Variants in ABCA1 observed in about 807,000 individuals in gnomAD.
ABCA1 encodes the protein ATP binding cassette subfamily A member 1.
A neutral mutation model predicts 262.5 loss-of-function variants in ABCA1; 133 were observed. That is an observed-to-expected ratio of 0.51 (90% CI 0.44 to 0.59). ABCA1 has a LOEUF of 0.59. ABCA1 is among the 20% of genes least tolerant of loss of function. The pLI is 0.00. For synonymous variants in ABCA1, 1,022 were observed against 1,043.5 expected, an observed-to-expected ratio of 0.98 and a Z score of 0.40; for missense variants, 2,452 against 2,777.5, an observed-to-expected ratio of 0.88 and a Z score of 2.63.
chr9:104,808,017 G>A (rs763378685), intron 30 of ABCA1, among the ~76,000 whole-genome samples: 3 of 151,872 alleles, frequency 2.0e-5, no homozygotes, highest in African/African-American at 7.3e-5. Context: ...ACTAAGACGC[G>A]CTGCCCTCCT....
intron 28 of ABCA1, among the ~76,000 whole-genome samples, chr9:104,811,990 A>G (rs1831320159): frequency 6.6e-6 from 1 of 152,228 alleles, no homozygotes; most frequent in Admixed American, 6.5e-5. Flanking sequence ...AGAGTGAAAA[A>G]ATTTAACCTT....
chr9:104,805,294 C>T (rs529511900), intron 31 of ABCA1, among the ~76,000 whole-genome samples: 26 of 152,208 alleles, frequency 1.7e-4, no homozygotes, highest in African/African-American at 4.8e-4. Flanking sequence ...AAGCTGGTTT[C>T]GAACTCCTGA....
At chr9:104,918,160 T>TA (rs11428977) in intron 1 of ABCA1, among the ~76,000 whole-genome samples, 77,235 of 151,746 alleles carry the variant, frequency 0.51, 20,868 homozygotes, top group East Asian at 0.83. Flanking sequence ...AAAATTTCAG[T>TA]AGGTGAGGAA....
chr9:104,922,220 T>G (rs1312464865), intron 1 of ABCA1, among the ~76,000 whole-genome samples: 2 of 152,226 alleles, frequency 1.3e-5, no homozygotes, highest in South Asian at 2.1e-4. Context: ...GGAAATCAAT[T>G]TTATGTAAGC....
At chr9:104,849,932 G>A (rs1283594729) in intron 7 of ABCA1, among the ~76,000 whole-genome samples, 12 of 152,154 alleles carry the variant, frequency 7.9e-5, no homozygotes, top group Non-Finnish European at 1.0e-4. Flanking sequence ...ACCAAATATT[G>A]TTATACATAG....
chr9:104,856,955 A>G (rs1461813297), intron 7 of ABCA1, among the ~76,000 whole-genome samples: 1 of 152,170 alleles, frequency 6.6e-6, no homozygotes, highest in Non-Finnish European at 1.5e-5. Flanking sequence ...CTAACTTTTT[A>G]GGCCAGTTAC....
At chr9:104,860,981 C>G (rs899189401) in intron 6 of ABCA1, among the ~76,000 whole-genome samples, 2 of 152,068 alleles carry the variant, frequency 1.3e-5, no homozygotes, top group Non-Finnish European at 2.9e-5. Context: ...GTCTCGAACT[C>G]CTGACCTCAA....
intron 1 of ABCA1, among the ~76,000 whole-genome samples, chr9:104,919,468 C>T (rs761560666): frequency 2.0e-5 from 3 of 152,050 alleles, no homozygotes; most frequent in Non-Finnish European, 4.4e-5. Context: ...AAAAATTAGC[C>T]GGACATGGTG....
chr9:104,807,660 A>G (rs1830887635), intron 30 of ABCA1, among the ~76,000 whole-genome samples: 1 of 151,892 alleles, frequency 6.6e-6, no homozygotes, highest in South Asian at 2.1e-4. Context: ...CTAAAATTAG[A>G]AAAATTAGCC....
intron 14 of ABCA1, among the ~76,000 whole-genome samples, chr9:104,830,645 G>T (rs957655751): frequency 7.2e-5 from 11 of 151,840 alleles, no homozygotes; most frequent in South Asian, 4.2e-4. Context: ...AGCCGAGATC[G>T]AGCCACTGCA....
intron 14 of ABCA1, among the ~76,000 whole-genome samples, chr9:104,830,207 T>C (rs747287147): frequency 5.9e-5 from 9 of 152,190 alleles, no homozygotes; most frequent in African/African-American, 1.9e-4. Flanking sequence ...TCAGTTTTAT[T>C]TGGGTTGTTT....
At chr9:104,913,741 C>T (rs1841641483) in intron 1 of ABCA1, among the ~76,000 whole-genome samples, 1 of 152,188 alleles carries the variant, frequency 6.6e-6, no homozygotes, top group Non-Finnish European at 1.5e-5. Flanking sequence ...GAGGTTGCAC[C>T]TATCCTCCAT....
At chr9:104,879,072 T>TG (rs1838395036) in intron 5 of ABCA1, among the ~76,000 whole-genome samples, 1 of 146,078 alleles carries the variant, frequency 6.8e-6, no homozygotes, top group African/African-American at 2.7e-5. Flanking sequence ...AGGCTCTGTC[T>TG]TAAAAAAAAA....
At chr9:104,802,021 T>C (rs761294745) in intron 34 of ABCA1, 33 bp downstream of exon 34, 2 of 1,602,718 alleles carry the variant, frequency 1.2e-6, no homozygotes. Context: ...TACATGCCCA[T>C]TTTTCTGATA....
intron 6 of ABCA1, 177 bp downstream of exon 6, chr9:104,861,502 T>G (rs1836382296): frequency 4.7e-6 from 4 of 847,966 alleles, no homozygotes; most frequent in African/African-American, 3.3e-5. Flanking sequence ...ATTCCACTCC[T>G]GGATGGTTTG....
chr9:104,825,861 C>A lies in ABCA1; in HGVS notation c.2364G>T (p.Gly788=), dbSNP rs766069585. The A allele has an allele frequency of 6.2e-7, 1 of 1,614,148 alleles. No homozygotes were observed. Among genetic ancestry groups the A allele is most frequent in the Admixed American group, 1.7e-5 (1 of 60,022 alleles). The change falls in exon 17 of 50, where the codon GGG becomes GGT. Residue 788 remains glycine (G), a synonymous_variant. Transcript: ENST00000374736. ...FASLLSPVAF[G]FGCEYFALFE... is the part of the protein sequence containing the mutation. ...AAAGGGCAAAGTACTCACAGCCAAA[C>A]CCAAAAGCCACAGGAGACAGCAGGC...
chr9:104,805,287 C>G (rs1246276972), intron 31 of ABCA1, among the ~76,000 whole-genome samples: 1 of 152,142 alleles, frequency 6.6e-6, no homozygotes, highest in East Asian at 1.9e-4. Flanking sequence ...ATTGGCCAAG[C>G]TGGTTTCGAA....
intron 37 of ABCA1, among the ~76,000 whole-genome samples, chr9:104,797,851 A>T (rs1324521799): frequency 6.6e-6 from 1 of 152,238 alleles, no homozygotes; most frequent in Non-Finnish European, 1.5e-5. Context: ...GCTTATAATT[A>T]ATAGAAGTTA....
At chr9:104,816,938 C>T (rs774427415) in intron 24 of ABCA1, among the ~76,000 whole-genome samples, 8 of 152,136 alleles carry the variant, frequency 5.3e-5, no homozygotes, top group Admixed American at 1.3e-4. Flanking sequence ...CTCCTACACA[C>T]GCTACCCAAG....
Sources: gnomAD v4.1 joint callset for allele counts (sites outside exome capture counted in the v4.1 genomes callset) on GRCh38, gnomAD v4.1.1 for gene constraint, MANE v1.5 for transcripts, NCBI Gene and HGNC (gene_info 2026-07-23, HGNC 2026-07-21) for gene names.